The following IL6ST variants were observed in gnomAD, a reference collection of about 807,000 sequenced individuals.
IL6ST encodes the protein interleukin 6 cytokine family signal transducer, also known as interleukin-6 receptor subunit beta.
Under a neutral mutation model 91.3 loss-of-function variants are expected in IL6ST, and 24 were observed. The ratio of observed to expected loss-of-function variants is 0.26; its 90% CI spans 0.19 to 0.37. The LOEUF (loss-of-function observed/expected upper bound fraction) is 0.37, where lower values mean the gene tolerates loss of function less well. Ranked by LOEUF, IL6ST falls within the 10% of genes least tolerant of loss-of-function variation. IL6ST has a pLI of 1.00. For missense variants in IL6ST, 914 were observed against 1,078.5 expected (o/e 0.85, Z 2.14); for synonymous variants, 351 against 373.6 (o/e 0.94, Z 0.70).
At chr5:55,973,698 T>G (rs557890851) in intron 3 of IL6ST, among the ~76,000 whole-genome samples, 194 of 152,336 alleles carry the variant, frequency 1.3e-3, no homozygotes, top group African/African-American at 4.1e-3. Context: ...TATAGTCTTG[T>G]CCTATACAAA....
At chr5:55,950,669 G>T (rs552271166) in intron 14 of IL6ST, among the ~76,000 whole-genome samples, 1 of 151,852 alleles carries the variant, frequency 6.6e-6, no homozygotes, top group South Asian at 2.1e-4. Flanking sequence ...GAGTTTCAAG[G>T]ATGGAAGGCC....
intron 1 of IL6ST, among the ~76,000 whole-genome samples, chr5:55,992,762 C>T (rs553181771): frequency 6.6e-6 from 1 of 152,242 alleles, no homozygotes; most frequent in South Asian, 2.1e-4. Context: ...CTGGTAAATC[C>T]TTTGCTCATT....
chr5:55,976,088 T>C (rs1171305349), intron 3 of IL6ST, 127 bp downstream of exon 3: 2 of 429,058 alleles, frequency 4.7e-6, no homozygotes, highest in South Asian at 1.2e-4. Flanking sequence ...TAAGATATTA[T>C]TCTCTCGATT....
intron 15 of IL6ST, among the ~76,000 whole-genome samples, chr5:55,946,781 T>C (rs2111630793): frequency 6.7e-6 from 1 of 150,006 alleles, no homozygotes; most frequent in South Asian, 2.1e-4. Flanking sequence ...CATGCCACTG[T>C]ACTCCAGTAA....
intron 2 of IL6ST, among the ~76,000 whole-genome samples, chr5:55,979,013 A>G (rs1485271279): frequency 1.3e-5 from 2 of 152,254 alleles, no homozygotes; most frequent in Non-Finnish European, 2.9e-5. Context: ...AAATTATGGT[A>G]TATTCAAGTA....
Position 55,940,432 on chromosome 5 carries a change from G to T in IL6ST, c.*650C>A, listed in dbSNP as rs1309649662. The T allele has an allele frequency of 4.8e-6, 1 of 209,846 alleles. No homozygotes were observed. Among genetic ancestry groups the T allele is most frequent in the African/African-American group, 2.3e-5 (1 of 44,244 alleles). 13.0% of individuals were successfully genotyped at this position (209,846 alleles called of 1,614,324 possible). Reference sequence around the variant, plus strand: ...CTAATTATTGATGAATAAAAAATGAGTACTTTTAATCTGCCAAGTTAAAGC... The same window carrying T: ...CTAATTATTGATGAATAAAAAATGATTACTTTTAATCTGCCAAGTTAAAGC... On this transcript the variant is annotated 3_prime_UTR_variant, in exon 17 of 17. Transcript: ENST00000381298.
chr5:55,958,339 A>C (rs978659772), intron 8 of IL6ST, among the ~76,000 whole-genome samples: 1 of 152,216 alleles, frequency 6.6e-6, no homozygotes. Context: ...CAAAACTTAT[A>C]ATAGCCATTA....
intron 9 of IL6ST, among the ~76,000 whole-genome samples, chr5:55,956,671 C>CT (rs1263334477): frequency 6.6e-6 from 1 of 152,200 alleles, no homozygotes; most frequent in East Asian, 1.9e-4. Flanking sequence ...TCTTATAGAA[C>CT]TTATACTTTC....
At position 55,941,692 on chromosome 5, in the gene IL6ST, T is replaced by G. The variant is rs1750929743; in HGVS notation, c.2147A>C (p.Lys716Thr). The G allele has an allele frequency of 3.7e-6, 6 of 1,614,084 alleles. No individual in the cohort carries two copies. The highest frequency in any genetic ancestry group is 5.1e-6 in the Non-Finnish European group (6 of 1,180,016). Residue 716 changes from lysine to threonine, a missense_variant, in exon 17 of 17, where the codon AAG (lysine) becomes ACG (threonine). By Grantham distance (78) the Lys-to-Thr change is moderately conservative. Coordinates refer to ENST00000381298, the MANE Select transcript of IL6ST (RefSeq NM_002184.4). ...GTGTCCTTCAGTATTAATTTTTTCC[T>G]TTTTGAACAGGTCCAATGATTTCAG... ...EDLKSLDLFKKEKINTEGHSS... is the reference protein window; with the variant it reads ...EDLKSLDLFKTEKINTEGHSS...
rs1173399871 is a variant in IL6ST, at chr5:55,969,826, T to C, written c.94A>G (p.Ser32Gly). The change falls in exon 4 of 17, where the codon AGT becomes GGT. Residue 32 changes from serine (S) to glycine (G), a missense_variant. Ser to Gly is a moderately conservative substitution (Grantham distance 56, BLOSUM62 0). Coordinates refer to ENST00000381298, the MANE Select transcript of IL6ST (RefSeq NM_002184.4). ...GELLDPCGYI[S>G]PESPVVQLHS... ...AGTTGTACAACTGGAGATTCAGGAC[T>C]GATATAACCACATGGATCTAGAAGT... The C allele has an allele frequency of 1.2e-6, 2 of 1,604,934 alleles. No individual in the cohort carries two copies. The highest frequency in any genetic ancestry group is 1.7e-6 in the Non-Finnish European group (2 of 1,172,564).
At chr5:55,966,375 A>C (rs1431045411) in intron 5 of IL6ST, among the ~76,000 whole-genome samples, 2 of 152,228 alleles carry the variant, frequency 1.3e-5, no homozygotes, top group Non-Finnish European at 2.9e-5. Context: ...GATTGACTGA[A>C]GGAGCAGGAA....
At chr5:55,947,202 A>AATAG (rs1008523784) in intron 15 of IL6ST, among the ~76,000 whole-genome samples, 3 of 152,174 alleles carry the variant, frequency 2.0e-5, no homozygotes, top group Admixed American at 2.0e-4. Context: ...TCTGTCTCAA[A>AATAG]ATAGATAGAT....
intron 15 of IL6ST, among the ~76,000 whole-genome samples, chr5:55,947,029 C>G (rs909992060): frequency 1.3e-5 from 2 of 151,806 alleles, no homozygotes; most frequent in Non-Finnish European, 2.9e-5. Context: ...ATGGTGATAC[C>G]CCATCTCTAC....
chr5:55,969,481 A>G (rs899916902), intron 4 of IL6ST, 69 bp downstream of exon 4: 17 of 1,021,252 alleles, frequency 1.7e-5, no homozygotes, highest in Non-Finnish European at 2.2e-5. Flanking sequence ...ATAAAGATGA[A>G]AGGACAACAT....
At chr5:55,981,445 C>T (rs1264195910) in intron 2 of IL6ST, among the ~76,000 whole-genome samples, 1 of 152,046 alleles carries the variant, frequency 6.6e-6, no homozygotes, top group Non-Finnish European at 1.5e-5. Context: ...GAGTTCAAGA[C>T]GAGCCTAACC....
Position 55,976,271 on chromosome 5 carries a change from G to A in IL6ST, c.8C>T (p.Thr3Met), listed in dbSNP as rs764660393. Residue 3 changes from threonine (T) to methionine (M), a missense_variant, in exon 3 of 17, where the codon ACG (threonine) becomes ATG (methionine). Thr to Met is a moderately conservative substitution (Grantham distance 81). Coordinates refer to ENST00000381298, the MANE Select transcript of IL6ST (RefSeq NM_002184.4). ML[T>M]LQTWLVQALF... ...GGCTTGCACTAGCCAAGTCTGCAACGTCAACATCTTGCGCGGATATTTCTG... is the reference window on the plus strand; with the variant it reads ...GGCTTGCACTAGCCAAGTCTGCAACATCAACATCTTGCGCGGATATTTCTG... 18 of 1,583,848 alleles carry A rather than the reference G, an allele frequency of 1.1e-5. No homozygotes were observed. In the South Asian group the frequency reaches 1.2e-4, roughly 10 times the overall value.
intron 5 of IL6ST, 57 bp from the exon 6 acceptor site, chr5:55,964,369 T>A: frequency 1.6e-6 from 2 of 1,286,978 alleles, no homozygotes; most frequent in Admixed American, 2.1e-5. Context: ...AAAATTAGAG[T>A]GAAAAAAATT....
chr5:55,941,441 C>A lies in IL6ST; in HGVS notation c.2398G>T (p.Asp800Tyr), dbSNP rs771743099. Reference sequence around the variant, plus strand: ...ATACCATCACCGCCATCTACATGATCTACTAATTGTAGATCTTCTGGCCGC... The same window carrying A: ...ATACCATCACCGCCATCTACATGATATACTAATTGTAGATCTTCTGGCCGC... ...EERPEDLQLVDHVDGGDGILP... is the reference protein window; with the variant it reads ...EERPEDLQLVYHVDGGDGILP... The change falls in exon 17 of 17, where the codon GAT (aspartate) becomes TAT (tyrosine). Residue 800 changes from aspartate to tyrosine, a missense_variant. Transcript: ENST00000381298. 6.2e-7 allele frequency: 1 copy of A among 1,614,194 alleles called. No individual in the cohort carries two copies. Among genetic ancestry groups the A allele is most frequent in the Non-Finnish European group, 8.5e-7 (1 of 1,180,010 alleles).
intron 2 of IL6ST, among the ~76,000 whole-genome samples, chr5:55,978,616 C>T (rs1753459748): frequency 6.6e-6 from 1 of 152,178 alleles, no homozygotes; most frequent in African/African-American, 2.4e-5. Context: ...ATCCCAGCTA[C>T]TCAGGAGGCT....
Sources: gnomAD v4.1 joint callset for allele counts (sites outside exome capture counted in the v4.1 genomes callset) on GRCh38, gnomAD v4.1.1 for gene constraint, MANE v1.5 for transcripts, NCBI Gene and HGNC (gene_info 2026-07-23, HGNC 2026-07-21) for gene names.